Variants in ABLIM2 observed in about 807,000 individuals in gnomAD.
The protein encoded by ABLIM2 is actin binding LIM protein family member 2.
Under a neutral mutation model 97.7 loss-of-function variants are expected in ABLIM2, and 53 were observed. The observed-to-expected ratio is 0.54, with a 90% CI of 0.44 to 0.68. The LOEUF is 0.68. Ranked by LOEUF, ABLIM2 falls within the 30% of genes least tolerant of loss-of-function variation. The pLI is 0.00. For synonymous variants in ABLIM2, 361 were observed against 345.8 expected (o/e 1.04, Z -0.49); for missense variants, 835 against 867.2 (o/e 0.96, Z 0.47).
chr4:8,102,071 A>G (rs910809212), intron 2 of ABLIM2, among the ~76,000 whole-genome samples: 1 of 152,158 alleles, frequency 6.6e-6, no homozygotes, highest in African/African-American at 2.4e-5. Flanking sequence ...ATGGAAACCT[A>G]CAAGGATGGA....
chr4:7,995,263 C>T (rs1033290090), intron 16 of ABLIM2, among the ~76,000 whole-genome samples: 7 of 152,266 alleles, frequency 4.6e-5, no homozygotes, highest in Non-Finnish European at 7.3e-5. Context: ...ACACCTGCCT[C>T]ATCTGGGGGT....
At chr4:8,038,406 T>C (rs1451847179) in intron 9 of ABLIM2, among the ~76,000 whole-genome samples, 1 of 152,112 alleles carries the variant, frequency 6.6e-6, no homozygotes, top group African/African-American at 2.4e-5. Context: ...GCTCAAACCC[T>C]CTGGGAGCCC....
intron 17 of ABLIM2, 27 bp from the exon 18 acceptor site, chr4:7,984,920 C>CA: frequency 6.2e-7 from 1 of 1,604,396 alleles, no homozygotes; most frequent in Non-Finnish European, 8.5e-7. Context: ...GGTTGGGCGG[C>CA]AAGAGACAGG....
intron 1 of ABLIM2, among the ~76,000 whole-genome samples, chr4:8,126,855 C>T (rs1056502870): frequency 6.6e-5 from 10 of 152,016 alleles, no homozygotes; most frequent in South Asian, 2.1e-4. Flanking sequence ...TGCTTACACC[C>T]GGGAGTTCAA....
rs748862052 is a variant in ABLIM2, at chr4:8,113,075, A to G, written c.11-6438T>C. On this transcript the variant is annotated intron_variant, in intron 1 of 20. Transcript: ENST00000447017. This position sits in a 1 kb window ranked among gnomAD's most constrained non-coding sequence, Gnocchi z 4.5. ...TCACGACCCAGACAGCAGAGTCCTC[A>G]TCATTCCGTGATCTCTGGGAATCTT... 6.6e-6 allele frequency among the ~76,000 whole-genome samples: 1 copy of G among 152,128 alleles called. No homozygotes were observed. Among genetic ancestry groups the G allele is most frequent in the Non-Finnish European group, 1.5e-5 (1 of 68,028 alleles).
intron 6 of ABLIM2, among the ~76,000 whole-genome samples, chr4:8,063,301 G>T (rs1262164995): frequency 1.3e-5 from 2 of 152,236 alleles, no homozygotes; most frequent in African/African-American, 2.4e-5. Flanking sequence ...TCTTGACCTT[G>T]TGATCTGCCC....
intron 16 of ABLIM2, among the ~76,000 whole-genome samples, chr4:7,997,671 C>G (rs1245108922): frequency 2.6e-5 from 4 of 152,150 alleles, no homozygotes; most frequent in Non-Finnish European, 5.9e-5. Context: ...GTTCTAGACT[C>G]CAGGCCCGGG....
chr4:8,087,042 G>T lies in ABLIM2; in HGVS notation c.454+1127C>A, dbSNP rs947335351. ...CCTCGGGGAGGCTGGAAGTGGAATC[G>T]CCTCTGTAGAGACTCTCAACGCAGC... On this transcript the variant is annotated intron_variant, in intron 4 of 20. Transcript: ENST00000447017. The surrounding 1 kb of genome is among the most constrained non-coding windows in gnomAD (Gnocchi z 4.6). Among the ~76,000 whole-genome samples, 1 of 152,158 alleles carries T rather than the reference G, an allele frequency of 6.6e-6. No homozygotes were observed. Among genetic ancestry groups the T allele is most frequent in the Non-Finnish European group, 1.5e-5 (1 of 68,030 alleles).
At chr4:7,973,113 A>G (rs138686309) in intron 20 of ABLIM2, among the ~76,000 whole-genome samples, 87 of 46,054 alleles carry the variant, frequency 1.9e-3, no homozygotes, top group Non-Finnish European at 2.4e-3. Flanking sequence ...GTGTGTGTGT[A>G]GGGTGAGGGA....
At position 8,071,728 on chromosome 4, in the gene ABLIM2, G is replaced by A. The variant is rs1812318992; in HGVS notation, c.675+5900C>T. The A allele has an allele frequency of 2.1e-6, 2 of 967,032 alleles. No homozygotes were observed. The highest frequency in any genetic ancestry group is 2.5e-6 in the Non-Finnish European group (2 of 813,704). 59.9% of individuals were successfully genotyped at this position (967,032 alleles called of 1,614,324 possible). ...CCGCAGCCCCTCCTGGCCCCTGTGA[G>A]CCCCCATCAGCCCCTTGGAGTTGCG... On this transcript the variant is annotated intron_variant, in intron 6 of 20. Transcript: ENST00000447017. This position sits in a 1 kb window ranked among gnomAD's most constrained non-coding sequence, Gnocchi z 6.2.
intron 3 of ABLIM2, 93 bp from the exon 4 acceptor site, chr4:8,088,377 TC>T: frequency 1.1e-6 from 1 of 934,286 alleles, no homozygotes; most frequent in Non-Finnish European, 1.6e-6. Flanking sequence ...GGCCAATGTC[TC>T]CCCAGGATCT....
At chr4:8,118,111 C>G (rs535823342) in intron 1 of ABLIM2, among the ~76,000 whole-genome samples, 5 of 152,344 alleles carry the variant, frequency 3.3e-5, no homozygotes, top group Non-Finnish European at 5.9e-5. Context: ...CTGCCATCTG[C>G]GCAGGAAGGC....
intron 11 of ABLIM2, among the ~76,000 whole-genome samples, chr4:8,028,530 T>C (rs1415618473): frequency 6.6e-6 from 1 of 152,066 alleles, no homozygotes; most frequent in Non-Finnish European, 1.5e-5. Flanking sequence ...CGCTGACTCA[T>C]TCATTAATTC....
At chr4:8,117,461 CCACAGGCTCCA>C (rs1002508564) in intron 1 of ABLIM2, among the ~76,000 whole-genome samples, 1 of 151,602 alleles carries the variant, frequency 6.6e-6, no homozygotes, top group Non-Finnish European at 1.5e-5. Flanking sequence ...ACTCCACCTA[CCACAGGCTCCA>C]CGCACTAAGA....
chr4:8,019,323 C>T lies in ABLIM2; in HGVS notation c.1423+295G>A, dbSNP rs1771839910. ...CTCTCTGGCTGCATAATTGAAGGCG[C>T]CACCACCAGGCTCTTGGCTATAAAC... On this transcript the variant is annotated intron_variant, in intron 14 of 20. Transcript: ENST00000447017. This position sits in a 1 kb window ranked among gnomAD's most constrained non-coding sequence, Gnocchi z 4.3. Among the ~76,000 whole-genome samples, 1 of 152,200 alleles carries T rather than the reference C, an allele frequency of 6.6e-6. No homozygotes were observed. The highest frequency in any genetic ancestry group is 2.1e-4 in the South Asian group (1 of 4,828).
Position 8,072,089 on chromosome 4 carries a change from G to A in ABLIM2, c.675+5539C>T, listed in dbSNP as rs1219917811. ...GACTCAGCCACGCCGCCACAGACTC[G>A]CCTCCCCGGCAGAGGCGAAAACAAA... is the stretch of plus-strand genomic sequence containing the variant. On this transcript the variant is annotated intron_variant, in intron 6 of 20. Transcript: ENST00000447017. This position sits in a 1 kb window ranked among gnomAD's most constrained non-coding sequence, Gnocchi z 5.8. The A allele has an allele frequency of 1.5e-5, 15 of 983,986 alleles. No individual in the cohort carries two copies. Among genetic ancestry groups the A allele is most frequent in the Admixed American group, 1.2e-4 (2 of 16,262 alleles). 61.0% of individuals were successfully genotyped at this position (983,986 alleles called of 1,614,324 possible).
At chr4:8,154,180 T>C (rs758504835) in intron 1 of ABLIM2, among the ~76,000 whole-genome samples, 44 of 151,458 alleles carry the variant, frequency 2.9e-4, no homozygotes, top group Non-Finnish European at 4.9e-4. Flanking sequence ...GCCAGGATGG[T>C]CTCCATCTCC....
chr4:8,114,202 G>C (rs1296612727), intron 1 of ABLIM2, among the ~76,000 whole-genome samples: 2 of 152,226 alleles, frequency 1.3e-5, no homozygotes, highest in South Asian at 2.1e-4. Context: ...GACCAGAGCT[G>C]ATGCTGGCCC....
chr4:7,984,292 C>G (rs1741517166), intron 18 of ABLIM2, among the ~76,000 whole-genome samples: 1 of 152,188 alleles, frequency 6.6e-6, no homozygotes, highest in Non-Finnish European at 1.5e-5. Flanking sequence ...CACTGATGCT[C>G]TCCGTCCCCA....
Sources: allele counts gnomAD v4.1 joint callset (sites outside exome capture counted in the v4.1 genomes callset), GRCh38; gene constraint gnomAD v4.1.1; non-coding constraint Gnocchi (gnomAD v3.1); transcripts MANE v1.5; gene names NCBI Gene and HGNC (gene_info 2026-07-23, HGNC 2026-07-21).